The following PITPNC1 variants were observed in gnomAD, a reference collection of about 807,000 sequenced individuals.
PITPNC1 encodes cytoplasmic phosphatidylinositol transfer protein 1.
In PITPNC1, 18 loss-of-function variants were observed where a neutral mutation model predicts 44.7. The ratio of observed to expected loss-of-function variants is 0.40; its 90% CI spans 0.28 to 0.60. The LOEUF is 0.60. PITPNC1 is among the 20% of genes least tolerant of loss of function. The pLI, the probability that PITPNC1 is intolerant of heterozygous loss-of-function variation, is 0.39. For synonymous variants in PITPNC1, 141 were observed against 149.6 expected, an observed-to-expected ratio of 0.94 and a Z score of 0.42; for missense variants, 290 against 418.4, an observed-to-expected ratio of 0.69 and a Z score of 2.68.
At chr17:67,583,907 GTGTGTT>G (rs774150776) in intron 5 of PITPNC1, among the ~76,000 whole-genome samples, 1,861 of 141,220 alleles carry the variant, frequency 0.013, 25 homozygotes, top group Non-Finnish European at 0.018. Flanking sequence ...TTGTGTGTGT[GTGTGTT>G]TGTGTTTAGT....
chr17:67,459,113 C>CTTTTTTTTTTTTTTTTTT (rs886333854), intron 1 of PITPNC1, among the ~76,000 whole-genome samples: 51 of 95,686 alleles, frequency 5.3e-4, no homozygotes, highest in Non-Finnish European at 6.8e-4. Flanking sequence ...TTTTCTTTTT[C>CTTTTTTTTTTTTTTTTTT]TTTTTTTTTT....
intron 1 of PITPNC1, 55 bp from the exon 2 acceptor site, chr17:67,532,747 G>T (rs1320931715): frequency 5.6e-6 from 8 of 1,437,910 alleles, no homozygotes; most frequent in Non-Finnish European, 6.6e-6. Flanking sequence ...GTTGGAGGGG[G>T]ATGTCAGGGG....
chr17:67,391,481 A>G (rs2038138769), intron 1 of PITPNC1, among the ~76,000 whole-genome samples: 1 of 151,846 alleles, frequency 6.6e-6, no homozygotes. Flanking sequence ...TTATGTATTT[A>G]TTTATTTATT....
At chr17:67,626,819 G>GAA (rs35662161) in intron 5 of PITPNC1, among the ~76,000 whole-genome samples, 23 of 117,978 alleles carry the variant, frequency 1.9e-4, no homozygotes, top group Admixed American at 2.8e-4. Context: ...TCAGACTCAT[G>GAA]AAAAAAAAAA....
chr17:67,575,813 T>C (rs2041135875), intron 4 of PITPNC1, among the ~76,000 whole-genome samples: 1 of 124,208 alleles, frequency 8.1e-6, no homozygotes, highest in African/African-American at 2.9e-5. Flanking sequence ...TTTCTTTCTT[T>C]CTTTCTTTCC....
intron 1 of PITPNC1, among the ~76,000 whole-genome samples, chr17:67,420,191 T>C (rs962195514): frequency 2.0e-5 from 3 of 152,192 alleles, no homozygotes; most frequent in African/African-American, 7.2e-5. Context: ...ACAAGTTTTG[T>C]ATTAATTATG....
intron 5 of PITPNC1, among the ~76,000 whole-genome samples, chr17:67,625,715 A>T (rs1008725092): frequency 6.6e-6 from 1 of 152,124 alleles, no homozygotes; most frequent in Non-Finnish European, 1.5e-5. Context: ...GATAGGACAG[A>T]GAAGGAACAA....
At chr17:67,538,104 G>A (rs892893494) in intron 2 of PITPNC1, among the ~76,000 whole-genome samples, 3 of 151,902 alleles carry the variant, frequency 2.0e-5, no homozygotes, top group African/African-American at 7.3e-5. Flanking sequence ...AGTAATTAAG[G>A]CAGTGGGGTA....
At position 67,579,827 on chromosome 17, in the gene PITPNC1, C is replaced by T. The variant is rs2041205410; in HGVS notation, c.366+1570C>T. Among the ~76,000 whole-genome samples, 4 of 151,804 alleles carry T rather than the reference C, an allele frequency of 2.6e-5. No individual in the cohort carries two copies. The South Asian group carries it at 6.2e-4, about 24-fold the overall frequency. ...TGGTGGCGCATGCCTGTAATCCCAG[C>T]TACTCAGGAGGCTGAGGCAGGAGAA... On this transcript the variant is annotated intron_variant, in intron 5 of 8. Coordinates refer to ENST00000581322, the MANE Select transcript of PITPNC1 (RefSeq NM_012417.4).
chr17:67,399,785 C>T (rs752790589), intron 1 of PITPNC1, among the ~76,000 whole-genome samples: 5 of 152,168 alleles, frequency 3.3e-5, no homozygotes, highest in South Asian at 2.1e-4. Context: ...TGATGAAACA[C>T]CTTTGCATTT....
At chr17:67,662,445 C>G (rs1322543662) in intron 6 of PITPNC1, among the ~76,000 whole-genome samples, 1 of 151,104 alleles carries the variant, frequency 6.6e-6, no homozygotes, top group East Asian at 1.9e-4. Context: ...AACTCCATCT[C>G]AAAAAAAAGA....
At chr17:67,541,895 T>A (rs2040613624) in intron 2 of PITPNC1, among the ~76,000 whole-genome samples, 1 of 152,176 alleles carries the variant, frequency 6.6e-6, no homozygotes, top group Non-Finnish European at 1.5e-5. Context: ...GGAAGAAATT[T>A]CCAAGCACAC....
At chr17:67,452,573 ACCT>A (rs1294941556) in intron 1 of PITPNC1, among the ~76,000 whole-genome samples, 4 of 144,554 alleles carry the variant, frequency 2.8e-5, no homozygotes, top group Non-Finnish European at 6.1e-5. Context: ...AGTCACTGCA[ACCT>A]CCTCCTCCTG....
intron 1 of PITPNC1, among the ~76,000 whole-genome samples, chr17:67,523,775 C>A (rs1244925952): frequency 6.6e-6 from 1 of 151,112 alleles, no homozygotes; most frequent in African/African-American, 2.4e-5. Flanking sequence ...TACTAGTGCT[C>A]CACCTCACCA....
chr17:67,571,084 G>A (rs1022513148), intron 4 of PITPNC1, among the ~76,000 whole-genome samples: 5 of 152,220 alleles, frequency 3.3e-5, no homozygotes, highest in Admixed American at 6.5e-5. Flanking sequence ...GCTGAGTGTT[G>A]TGTTGGTTTT....
chr17:67,517,848 G>T (rs548956602), intron 1 of PITPNC1, among the ~76,000 whole-genome samples: 50 of 152,230 alleles, frequency 3.3e-4, no homozygotes, highest in African/African-American at 1.1e-3. Context: ...TCACAACCTT[G>T]CAAATATACT....
chr17:67,477,837 AC>A (rs1156294729), intron 1 of PITPNC1, among the ~76,000 whole-genome samples: 1 of 151,584 alleles, frequency 6.6e-6, no homozygotes, highest in African/African-American at 2.4e-5. Context: ...GTCCAGAACT[AC>A]CCCCACCCCA....
intron 1 of PITPNC1, among the ~76,000 whole-genome samples, chr17:67,489,971 A>G (rs895997540): frequency 1.3e-5 from 2 of 152,062 alleles, no homozygotes; most frequent in Admixed American, 1.3e-4. Context: ...CTCGAACCTC[A>G]AGTGATCCAT....
At chr17:67,427,335 C>T (rs1242654532) in intron 1 of PITPNC1, among the ~76,000 whole-genome samples, 3 of 152,094 alleles carry the variant, frequency 2.0e-5, no homozygotes, top group East Asian at 1.9e-4. Flanking sequence ...TTCAGCCTCC[C>T]GAGTAGCTGG....
Sources: gnomAD v4.1 joint callset for allele counts (sites outside exome capture counted in the v4.1 genomes callset) on GRCh38, gnomAD v4.1.1 for gene constraint, MANE v1.5 for transcripts, NCBI Gene and HGNC (gene_info 2026-07-23, HGNC 2026-07-21) for gene names.